Variants in RBM20 observed in about 807,000 individuals in gnomAD.
RBM20 encodes the protein RNA-binding protein 20.
Under a neutral mutation model 110.1 loss-of-function variants are expected in RBM20, and 51 were observed. The ratio of observed to expected loss-of-function variants is 0.46; its 90% CI spans 0.37 to 0.59. The LOEUF is 0.59. Ranked by LOEUF, RBM20 falls within the 20% of genes least tolerant of loss-of-function variation. The pLI, the probability that RBM20 is intolerant of heterozygous loss-of-function variation, is 0.00. For missense variants in RBM20, 1,512 were observed against 1,574.9 expected, an observed-to-expected ratio of 0.96 and a Z score of 0.68; for synonymous variants, 589 against 618.2, an observed-to-expected ratio of 0.95 and a Z score of 0.70.
intron 1 of RBM20, among the ~76,000 whole-genome samples, chr10:110,744,780 A>G (rs1226154327): frequency 6.6e-6 from 1 of 152,260 alleles, no homozygotes; most frequent in Non-Finnish European, 1.5e-5. Context: ...AGACAAGGAA[A>G]GAAATCTGCT....
intron 1 of RBM20, among the ~76,000 whole-genome samples, chr10:110,766,867 G>A (rs1396279311): frequency 2.0e-5 from 3 of 148,016 alleles, no homozygotes; most frequent in African/African-American, 4.9e-5. Context: ...GGTGGTGGCC[G>A]GGCAGAGGGG....
intron 1 of RBM20, among the ~76,000 whole-genome samples, chr10:110,760,567 A>G (rs1394048841): frequency 6.8e-6 from 1 of 147,480 alleles, no homozygotes; most frequent in Admixed American, 6.8e-5. Context: ...CAGCCTCTCA[A>G]GTAGCTGGGA....
At chr10:110,801,062 C>T (rs1844616280) in intron 7 of RBM20, among the ~76,000 whole-genome samples, 1 of 152,160 alleles carries the variant, frequency 6.6e-6, no homozygotes, top group South Asian at 2.1e-4. Context: ...GCATGCTTAC[C>T]TCAACTTTCC....
chr10:110,715,807 A>G (rs898498889), intron 1 of RBM20, among the ~76,000 whole-genome samples: 2 of 152,200 alleles, frequency 1.3e-5, no homozygotes, highest in South Asian at 2.1e-4. Context: ...TGCAATTACA[A>G]TTACAGTACT....
intron 7 of RBM20, among the ~76,000 whole-genome samples, chr10:110,808,248 A>G (rs2135095798): frequency 6.6e-6 from 1 of 152,244 alleles, no homozygotes; most frequent in East Asian, 1.9e-4. Flanking sequence ...CTCTAGCCAC[A>G]CGGTGGGGTG....
intron 1 of RBM20, among the ~76,000 whole-genome samples, chr10:110,681,459 T>G (rs1008505191): frequency 3.9e-5 from 6 of 152,222 alleles, no homozygotes. Flanking sequence ...TGAGGCATGC[T>G]CTCTGCTAAT....
chr10:110,663,173 G>A lies in RBM20; in HGVS notation c.191+18528G>A, dbSNP rs149293093. Among the ~76,000 whole-genome samples, 347 of 151,946 alleles carry A rather than the reference G, an allele frequency of 2.3e-3. 2 individuals carry two copies. Among genetic ancestry groups the A allele is most frequent in the African/African-American group, 8.1e-3 (337 of 41,430 alleles). ...TAGAGTCGGGGCGTTGCCCAGACTG[G>A]TCTCGACCTCCTGAGCTCAGGCAAT... On this transcript the variant is annotated intron_variant, in intron 1 of 13. Transcript: ENST00000369519.
intron 1 of RBM20, among the ~76,000 whole-genome samples, chr10:110,737,176 T>C (rs1843679300): frequency 8.1e-5 from 1 of 12,402 alleles, no homozygotes; most frequent in Non-Finnish European, 1.4e-4. Flanking sequence ...AAACTCTGCC[T>C]CAAAAAAAAA....
intron 1 of RBM20, among the ~76,000 whole-genome samples, chr10:110,735,649 G>A (rs1426371047): frequency 6.6e-6 from 1 of 152,192 alleles, no homozygotes; most frequent in Non-Finnish European, 1.5e-5. Flanking sequence ...CTGTAAATAG[G>A]ATTGCTGGGT....
At chr10:110,747,305 G>C (rs12267546) in intron 1 of RBM20, among the ~76,000 whole-genome samples, 1 of 150,626 alleles carries the variant, frequency 6.6e-6, no homozygotes, top group African/African-American at 2.4e-5. Context: ...TTGGGGGGGG[G>C]GGTCATTCTG....
chr10:110,822,582 C>G, intron 11 of RBM20: 2 of 427,646 alleles, frequency 4.7e-6, no homozygotes, highest in South Asian at 3.4e-5. Flanking sequence ...TAAGATCCAT[C>G]AGGGGGTTTG....
chr10:110,702,501 A>G (rs183339765), intron 1 of RBM20, among the ~76,000 whole-genome samples: 3 of 152,216 alleles, frequency 2.0e-5, no homozygotes, highest in Non-Finnish European at 4.4e-5. Context: ...GCGACCGTGC[A>G]CTGCAGCCCG....
At chr10:110,731,871 A>C (rs1843623887) in intron 1 of RBM20, among the ~76,000 whole-genome samples, 1 of 152,200 alleles carries the variant, frequency 6.6e-6, no homozygotes, top group African/African-American at 2.4e-5. Context: ...TTACTGTTGT[A>C]GTAAGATTCG....
At chr10:110,713,540 T>A (rs72823847) in intron 1 of RBM20, among the ~76,000 whole-genome samples, 1 of 152,132 alleles carries the variant, frequency 6.6e-6, no homozygotes, top group African/African-American at 2.4e-5. Flanking sequence ...GGCAGAGTAG[T>A]CATTTAATAA....
At chr10:110,776,028 C>A (rs749503713) in intron 1 of RBM20, among the ~76,000 whole-genome samples, 14 of 152,290 alleles carry the variant, frequency 9.2e-5, no homozygotes, top group Middle Eastern at 3.4e-3. Context: ...GAGAATCATG[C>A]CTGATAGCTC....
At chr10:110,653,811 C>T (rs927905966) in intron 1 of RBM20, among the ~76,000 whole-genome samples, 2 of 152,228 alleles carry the variant, frequency 1.3e-5, no homozygotes, top group African/African-American at 4.8e-5. Context: ...CTGCCTCAGC[C>T]TCCCAAAGTG....
chr10:110,782,579 T>C (rs772227659), intron 2 of RBM20, among the ~76,000 whole-genome samples: 3 of 152,226 alleles, frequency 2.0e-5, no homozygotes, highest in Non-Finnish European at 2.9e-5. Context: ...GTAGATATTA[T>C]TATGATTTTC....
At chr10:110,767,074 CG>C (rs1179711681) in intron 1 of RBM20, among the ~76,000 whole-genome samples, 2 of 125,188 alleles carry the variant, frequency 1.6e-5, no homozygotes, top group African/African-American at 3.1e-5. Flanking sequence ...GCTGGCCGGG[CG>C]GGGGGTGACC....
chr10:110,687,038 AAAAG>A (rs1177329576), intron 1 of RBM20, among the ~76,000 whole-genome samples: 1 of 140,946 alleles, frequency 7.1e-6, no homozygotes, highest in South Asian at 2.4e-4. Context: ...GACTGTCTCA[AAAAG>A]AAAAAAAAAA....
Sources: allele counts gnomAD v4.1 joint callset (sites outside exome capture counted in the v4.1 genomes callset), GRCh38; gene constraint gnomAD v4.1.1; transcripts MANE v1.5; gene names NCBI Gene and HGNC (gene_info 2026-07-23, HGNC 2026-07-21).